CYTH1: variants seen among roughly 807,000 people sequenced by gnomAD.
The protein encoded by CYTH1 is cytohesin 1.
CYTH1 carries 18 observed loss-of-function variants against 61.8 expected under a neutral mutation model. That is an observed-to-expected ratio of 0.29 (90% confidence interval 0.20 to 0.43). The LOEUF (loss-of-function observed/expected upper bound fraction) is 0.43, where lower values mean the gene tolerates loss of function less well. Ranked by LOEUF, CYTH1 falls within the 20% of genes least tolerant of loss-of-function variation. The pLI is 1.00. For synonymous variants in CYTH1, 174 were observed against 184.3 expected, an observed-to-expected ratio of 0.94 and a Z score of 0.45; for missense variants, 336 against 510.5, an observed-to-expected ratio of 0.66 and a Z score of 3.29.
intron 1 of CYTH1, among the ~76,000 whole-genome samples, chr17:78,773,134 G>C (rs922884937): frequency 5.3e-5 from 8 of 152,022 alleles, no homozygotes; most frequent in African/African-American, 1.9e-4. Context: ...TGCCCAGCCT[G>C]AAACTGAACA....
rs1320040661 is a variant in CYTH1, at chr17:78,782,218, C to T, written c.6G>A (p.Glu2=). The T allele has an allele frequency of 2.9e-6, 4 of 1,358,564 alleles. No homozygotes were observed. Among genetic ancestry groups the T allele is most frequent in the Non-Finnish European group, 3.8e-6 (4 of 1,040,508 alleles). The allele number at this position is 1,358,564 out of a possible 1,614,324, so 84.2% of individuals were successfully genotyped here. M[E]EDDSYVPSDL... ...CGCACTGACCGTAGCTGTCGTCCTC[C>T]TCCATGGTGCGGGAGCCGGGCTCCG... Residue 2 remains glutamate (E), a synonymous_variant, in exon 1 of 14, where the codon GAG becomes GAA. Transcript: ENST00000446868.
At chr17:78,775,102 G>A (rs938840349) in intron 1 of CYTH1, among the ~76,000 whole-genome samples, 3 of 152,108 alleles carry the variant, frequency 2.0e-5, no homozygotes, top group Admixed American at 1.3e-4. Context: ...CCCAGCTCCC[G>A]AGGCATCACA....
At chr17:78,711,310 T>TAC (rs1390507304) in intron 1 of CYTH1, among the ~76,000 whole-genome samples, 341 of 143,726 alleles carry the variant, frequency 2.4e-3, no homozygotes, top group African/African-American at 7.2e-3. Context: ...ATAATATATA[T>TAC]ATATACACAC....
chr17:78,759,150 A>G (rs201380291), intron 1 of CYTH1, among the ~76,000 whole-genome samples: 1 of 152,208 alleles, frequency 6.6e-6, no homozygotes, highest in Non-Finnish European at 1.5e-5. Context: ...AATGTTTGCC[A>G]AAGTGCTAAA....
Position 78,675,876 on chromosome 17 carries a change from C to A in CYTH1, c.*215G>T. ...CCTGTGAGAGAGGAAGGCTCTGGAGCCCATGCTGGACAGGTGGCCGGTCCT... is the reference window on the plus strand; with the variant it reads ...CCTGTGAGAGAGGAAGGCTCTGGAGACCATGCTGGACAGGTGGCCGGTCCT... On this transcript the variant is annotated 3_prime_UTR_variant, in exon 14 of 14. Coordinates refer to ENST00000446868, the MANE Select transcript of CYTH1 (RefSeq NM_004762.6). 14 of 1,476,228 alleles carry A rather than the reference C, an allele frequency of 9.5e-6. No homozygotes were observed. The South Asian group carries it at 1.7e-4, about 18-fold the overall frequency. The allele number at this position is 1,476,228 out of a possible 1,614,324, so 91.4% of individuals were successfully genotyped here. A position where few individuals can be genotyped will look rare whatever the true frequency, so the allele number is the denominator to read the frequency against.
At chr17:78,736,705 G>A (rs1419119833) in intron 1 of CYTH1, 4 of 413,284 alleles carry the variant, frequency 9.7e-6, no homozygotes, top group South Asian at 3.5e-5. Flanking sequence ...CCTCCTCTTC[G>A]GTTTTAAGGA....
At chr17:78,779,400 C>CAAAAAAA (rs56061178) in intron 1 of CYTH1, among the ~76,000 whole-genome samples, 1 of 84,204 alleles carries the variant, frequency 1.2e-5, no homozygotes, top group Non-Finnish European at 2.2e-5. Flanking sequence ...AACTCCATCT[C>CAAAAAAA]AAAAAAAAAA....
At chr17:78,684,321 T>C (rs1218812431) in intron 11 of CYTH1, among the ~76,000 whole-genome samples, 2 of 152,172 alleles carry the variant, frequency 1.3e-5, no homozygotes, top group Non-Finnish European at 2.9e-5. Flanking sequence ...GAACCACTGA[T>C]GGAAACAACT....
chr17:78,762,787 A>G (rs1396626276), intron 1 of CYTH1, among the ~76,000 whole-genome samples: 1 of 152,168 alleles, frequency 6.6e-6, no homozygotes, highest in Non-Finnish European at 1.5e-5. Context: ...AGGAGCTAAG[A>G]GCCAAGGAGT....
intron 11 of CYTH1, among the ~76,000 whole-genome samples, chr17:78,685,094 G>C (rs2092802710): frequency 6.6e-6 from 1 of 151,338 alleles, no homozygotes; most frequent in Non-Finnish European, 1.5e-5. Context: ...AGCTACTCAG[G>C]AGGATGAGGC....
intron 1 of CYTH1, among the ~76,000 whole-genome samples, chr17:78,778,669 A>T (rs1028845272): frequency 1.4e-4 from 21 of 151,712 alleles, no homozygotes; most frequent in African/African-American, 5.1e-4. Flanking sequence ...AAAGAAAGAA[A>T]AAGTTTAATT....
intron 1 of CYTH1, among the ~76,000 whole-genome samples, chr17:78,763,292 G>A (rs1337155771): frequency 2.0e-5 from 3 of 149,528 alleles, no homozygotes; most frequent in Admixed American, 6.6e-5. Flanking sequence ...GCAGTGAGCC[G>A]AGGCCGTGCC....
At chr17:78,678,658 G>A (rs2092726826) in intron 13 of CYTH1, among the ~76,000 whole-genome samples, 1 of 152,128 alleles carries the variant, frequency 6.6e-6, no homozygotes, top group African/African-American at 2.4e-5. Context: ...TGCCATTACT[G>A]GTAGGGGACT....
intron 11 of CYTH1, chr17:78,691,786 C>T (rs890180311): frequency 6.6e-6 from 1 of 152,178 alleles, no homozygotes; most frequent in Non-Finnish European, 1.5e-5. Context: ...CTGAAAAGAG[C>T]TAATTTATGA....
At chr17:78,772,736 C>T (rs1236062411) in intron 1 of CYTH1, among the ~76,000 whole-genome samples, 1 of 151,568 alleles carries the variant, frequency 6.6e-6, no homozygotes, top group Non-Finnish European at 1.5e-5. Context: ...CAGAGTTTCA[C>T]AATGTTGGCC....
chr17:78,711,696 CCGA>C (rs1415432664), intron 1 of CYTH1, among the ~76,000 whole-genome samples: 1 of 151,122 alleles, frequency 6.6e-6, no homozygotes, highest in African/African-American at 2.4e-5. Flanking sequence ...ATTAGAAAAG[CCGA>C]CTTTTCCTTT....
At chr17:78,760,966 G>C (rs1456666502) in intron 1 of CYTH1, among the ~76,000 whole-genome samples, 1 of 152,024 alleles carries the variant, frequency 6.6e-6, no homozygotes, top group Non-Finnish European at 1.5e-5. Context: ...CTCCTGAGTA[G>C]CTGGGACTAC....
chr17:78,734,556 T>G (rs1015576727), intron 1 of CYTH1, among the ~76,000 whole-genome samples: 1 of 145,330 alleles, frequency 6.9e-6, no homozygotes, highest in Admixed American at 7.1e-5. Context: ...TTCTCCTGCC[T>G]CAGCCTCCAA....
chr17:78,681,048 G>A lies in CYTH1; in HGVS notation c.892-6C>T, dbSNP rs2092756197. The A allele has an allele frequency of 6.2e-7, 1 of 1,613,248 alleles. No homozygotes were observed. The highest frequency in any genetic ancestry group is 1.3e-5 in the African/African-American group (1 of 74,866). ...ATTCCACGGGGCTCCTTATCCTACA[G>A]AACAGTTGAAGAGAGGAAGTTTAAG... On this transcript the variant is annotated splice_region_variant and splice_polypyrimidine_tract_variant and intron_variant, in intron 11 of 13. Transcript: ENST00000446868.
Sources: allele counts gnomAD v4.1 joint callset (sites outside exome capture counted in the v4.1 genomes callset), GRCh38; gene constraint gnomAD v4.1.1; transcripts MANE v1.5; gene names NCBI Gene and HGNC (gene_info 2026-07-23, HGNC 2026-07-21).